The following MBNL2 variants were observed in gnomAD, a reference collection of about 807,000 sequenced individuals.
MBNL2 encodes muscleblind like splicing regulator 2.
In MBNL2, 17 loss-of-function variants were observed where a neutral mutation model predicts 41.9. The observed-to-expected ratio is 0.41, with a 90% CI of 0.28 to 0.61. The LOEUF (loss-of-function observed/expected upper bound fraction) is 0.61. Ranked by LOEUF, MBNL2 falls within the 20% of genes least tolerant of loss-of-function variation. The pLI is 0.35. For missense variants in MBNL2, 336 were observed against 505.6 expected, an observed-to-expected ratio of 0.66 and a Z score of 3.22; for synonymous variants, 195 against 182.9, an observed-to-expected ratio of 1.07 and a Z score of -0.53.
the MBNL2 span, among the ~76,000 whole-genome samples, chr13:97,146,313 TAA>T: frequency 8.5e-5 from 13 of 152,274 alleles, no homozygotes; most frequent in Non-Finnish European, 1.8e-4. Flanking sequence ...TTCTACTTTC[TAA>T]AAGAGTTTTG....
chr13:97,262,795 C>T lies in MBNL2; in HGVS notation c.-604-12837C>T, dbSNP rs147393045. On this transcript the variant is annotated intron_variant, in intron 1 of 8. Transcript: ENST00000679496. ...AATAATTTTTTTTGAGACAGAATCT[C>T]GCTCTGTCCCCAGACTGGAGTGCAG... 1.9e-4 allele frequency among the ~76,000 whole-genome samples: 29 copies of T among 152,028 alleles called. No individual in the cohort carries two copies. In the East Asian group the frequency reaches 2.7e-3, roughly 14 times the overall value.
intron 8 of MBNL2, among the ~76,000 whole-genome samples, chr13:97,378,259 T>A (rs1304584072): frequency 1.3e-5 from 2 of 152,236 alleles, no homozygotes; most frequent in Non-Finnish European, 2.9e-5. Flanking sequence ...ATACATTATC[T>A]GATCCTCACA....
At chr13:97,374,063 A>ATTTTTTTTTTCTTTTTTTTTTT (rs2064693201) in intron 8 of MBNL2, among the ~76,000 whole-genome samples, 1 of 63,128 alleles carries the variant, frequency 1.6e-5, no homozygotes, top group Non-Finnish European at 3.1e-5. Flanking sequence ...CCTCCTTTGC[A>ATTTTTTTTTTCTTTTTTTTTTT]TTTTTTTTTT....
intron 7 of MBNL2, among the ~76,000 whole-genome samples, chr13:97,360,921 G>A (rs2063342083): frequency 6.6e-6 from 1 of 152,224 alleles, no homozygotes; most frequent in South Asian, 2.1e-4. Flanking sequence ...TGAGAAACGT[G>A]TAAATGTTAC....
At chr13:97,220,074 A>G (rs1338383576), upstream of MBNL2, among the ~76,000 whole-genome samples, 1 of 152,248 alleles carries the variant, frequency 6.6e-6, no homozygotes, top group African/African-American at 2.4e-5. Context: ...GATGAATATG[A>G]TATCAATTCT....
At chr13:97,367,367 C>T (rs1251533058) in intron 8 of MBNL2, among the ~76,000 whole-genome samples, 1 of 152,160 alleles carries the variant, frequency 6.6e-6, no homozygotes, top group Non-Finnish European at 1.5e-5. Context: ...ACTCTCACCT[C>T]GCCTGGAAGA....
chr13:97,190,143 C>T, the MBNL2 span, among the ~76,000 whole-genome samples: 1 of 152,248 alleles, frequency 6.6e-6, no homozygotes, highest in East Asian at 1.9e-4. Context: ...TTCCAACCAG[C>T]CACAGCAGGT....
In MBNL2 at chr13:97,287,943, T is replaced by TG. The variant is rs201569491; in HGVS notation, c.174+11534_174+11535insG. On this transcript the variant is annotated intron_variant, in intron 2 of 8. Transcript: ENST00000679496. ...GTTTTTTTTTTGTTTTGTTTTGTTT[T>TG]TTTTTTTTTTAGTAGAGATGGGGTT... Among the ~76,000 whole-genome samples the TG allele has an allele frequency of 8.1e-3, 1,172 of 144,324 alleles. 6 individuals carry two copies. The highest frequency in any genetic ancestry group is 0.015 in the East Asian group (74 of 5,026). The allele number at this position is 144,324 out of a possible 152,430, so 94.7% of individuals were successfully genotyped here. A position where few individuals can be genotyped will look rare whatever the true frequency, so the allele number is the denominator to read the frequency against.
intron 2 of MBNL2, among the ~76,000 whole-genome samples, chr13:97,330,576 TA>T: frequency 6.6e-6 from 1 of 152,368 alleles, no homozygotes; most frequent in Middle Eastern, 3.4e-3. Flanking sequence ...TTTCTTGGAA[TA>T]AAATCAGAAG....
At chr13:97,197,011 G>A in the MBNL2 span, among the ~76,000 whole-genome samples, 1 of 152,148 alleles carries the variant, frequency 6.6e-6, no homozygotes, top group African/African-American at 2.4e-5. Flanking sequence ...TGGAATGCCA[G>A]GAAATTGCTT....
rs1594126366 is a variant in MBNL2, at chr13:97,271,200, C to A, written c.-604-4432C>A. ...CAGTGGCGCGAGCTCACTGCAATCT[C>A]CACCTCCTAGGTTCAAGCAATTCTC... On this transcript the variant is annotated intron_variant, in intron 1 of 8. Transcript: ENST00000679496. Among the ~76,000 whole-genome samples the A allele has an allele frequency of 3.3e-5, 5 of 149,792 alleles. No individual in the cohort carries two copies. In the South Asian group the frequency reaches 1.1e-3, roughly 32 times the overall value.
At chr13:97,293,117 T>C (rs968791326) in intron 2 of MBNL2, among the ~76,000 whole-genome samples, 1 of 152,138 alleles carries the variant, frequency 6.6e-6, no homozygotes, top group Non-Finnish European at 1.5e-5. Flanking sequence ...GTTTTGTCTT[T>C]TTGCCCATAA....
At chr13:97,167,962 G>GAT in the MBNL2 span, among the ~76,000 whole-genome samples, 4 of 151,958 alleles carry the variant, frequency 2.6e-5, no homozygotes, top group Admixed American at 2.0e-4. Flanking sequence ...TTTGTTTGGA[G>GAT]ATATATATAT....
intron 2 of MBNL2, among the ~76,000 whole-genome samples, chr13:97,295,556 C>A (rs975928209): frequency 6.6e-6 from 1 of 152,134 alleles, no homozygotes; most frequent in Admixed American, 6.6e-5. Context: ...CAAGTATCCC[C>A]ATTATAGTTT....
chr13:97,357,464 C>T lies in MBNL2; in HGVS notation c.859-18C>T. On this transcript the variant is annotated intron_variant, in intron 6 of 8. Transcript: ENST00000679496. Reference sequence around the variant, plus strand: ...TTGCTTTAAGTTAGACATATCTTATCGAATTCTTCATTTCTAGGCCTTTCC... The same window carrying T: ...TTGCTTTAAGTTAGACATATCTTATTGAATTCTTCATTTCTAGGCCTTTCC... 1.2e-6 allele frequency: 2 copies of T among 1,610,930 alleles called. No homozygotes were observed. The highest frequency in any genetic ancestry group is 2.2e-5 in the East Asian group (1 of 44,862).
intron 1 of MBNL2, among the ~76,000 whole-genome samples, chr13:97,271,052 C>T (rs2050839966): frequency 6.6e-6 from 1 of 151,786 alleles, no homozygotes; most frequent in African/African-American, 2.4e-5. Flanking sequence ...CCTTCTGAAA[C>T]ATCTTTGCTG....
intron 1 of MBNL2, among the ~76,000 whole-genome samples, chr13:97,244,614 A>G (rs966374655): frequency 1.3e-5 from 2 of 152,226 alleles, no homozygotes; most frequent in Non-Finnish European, 2.9e-5. Flanking sequence ...CTTGTTCTTC[A>G]TTGACTTTGT....
chr13:97,284,435 T>G (rs1235779850), intron 2 of MBNL2, among the ~76,000 whole-genome samples: 2 of 152,186 alleles, frequency 1.3e-5, no homozygotes, highest in Non-Finnish European at 2.9e-5. Flanking sequence ...TCACATCATC[T>G]TCCTGGTGTT....
At chr13:97,300,053 T>A (rs1331141999) in intron 2 of MBNL2, among the ~76,000 whole-genome samples, 4 of 152,106 alleles carry the variant, frequency 2.6e-5, no homozygotes, top group African/African-American at 9.7e-5. Flanking sequence ...AATTGCATAG[T>A]CAAGGCTGGG....
Sources: allele counts gnomAD v4.1 joint callset (sites outside exome capture counted in the v4.1 genomes callset), GRCh38; gene constraint gnomAD v4.1.1; transcripts MANE v1.5; gene names NCBI Gene and HGNC (gene_info 2026-07-23, HGNC 2026-07-21).